Variants in HFM1 observed in about 807,000 individuals in gnomAD.
HFM1 encodes the protein probable ATP-dependent DNA helicase HFM1.
A neutral mutation model predicts 192.1 loss-of-function variants in HFM1; 169 were observed. That is an observed-to-expected ratio of 0.88 (90% CI 0.78 to 1.00). HFM1 has a LOEUF of 1.00. Ranked by LOEUF, HFM1 falls within the 50% of genes least tolerant of loss-of-function variation. HFM1 has a pLI of 0.00. For missense variants in HFM1, 1,661 were observed against 1,668.0 expected, an observed-to-expected ratio of 1.00 and a Z score of 0.07; for synonymous variants, 525 against 537.8, an observed-to-expected ratio of 0.98 and a Z score of 0.33.
chr1:91,308,851 T>C (rs1034362691), intron 30 of HFM1, among the ~76,000 whole-genome samples: 23 of 152,334 alleles, frequency 1.5e-4, no homozygotes, highest in African/African-American at 5.3e-4. Flanking sequence ...CAGGCAAACA[T>C]GGTGAGTGGC....
intron 30 of HFM1, among the ~76,000 whole-genome samples, chr1:91,284,132 A>C (rs1667713366): frequency 6.6e-6 from 1 of 152,140 alleles, no homozygotes; most frequent in Non-Finnish European, 1.5e-5. Context: ...AAAGAATATA[A>C]AGAAAAGTAG....
At chr1:91,273,556 C>G (rs950280082) in intron 34 of HFM1, among the ~76,000 whole-genome samples, 156 bp downstream of exon 34, 3 of 151,730 alleles carry the variant, frequency 2.0e-5, no homozygotes, top group Non-Finnish European at 2.9e-5. Context: ...ATAACAGACC[C>G]AAGAATTTGA....
intron 30 of HFM1, among the ~76,000 whole-genome samples, chr1:91,312,478 G>A (rs1330890154): frequency 2.0e-5 from 3 of 152,194 alleles, no homozygotes; most frequent in Admixed American, 2.0e-4. Context: ...TGCTCCACTG[G>A]ATTTCAGACA....
At chr1:91,390,391 A>C (rs1662799192) in intron 4 of HFM1, among the ~76,000 whole-genome samples, 1 of 150,426 alleles carries the variant, frequency 6.6e-6, no homozygotes, top group South Asian at 2.1e-4. Flanking sequence ...AACCAAGATC[A>C]CACCACTGCA....
intron 13 of HFM1, among the ~76,000 whole-genome samples, chr1:91,371,569 T>C (rs1571149723): frequency 8.2e-6 from 1 of 121,414 alleles, no homozygotes; most frequent in African/African-American, 3.2e-5. Context: ...ATCCCTTCCT[T>C]ACACCTTATA....
At chr1:91,292,160 C>T (rs1247078286) in intron 30 of HFM1, among the ~76,000 whole-genome samples, 1 of 151,276 alleles carries the variant, frequency 6.6e-6, no homozygotes, top group East Asian at 1.9e-4. Context: ...GATGCCCTCT[C>T]TCACCACTCC....
chr1:91,357,625 A>G (rs1414453967), intron 13 of HFM1, among the ~76,000 whole-genome samples: 1 of 152,180 alleles, frequency 6.6e-6, no homozygotes, highest in African/African-American at 2.4e-5. Flanking sequence ...ATAAGAAAAA[A>G]ATAAAAGGAA....
intron 30 of HFM1, among the ~76,000 whole-genome samples, chr1:91,278,998 T>G (rs912277854): frequency 2.0e-5 from 3 of 152,076 alleles, no homozygotes; most frequent in Non-Finnish European, 4.4e-5. Context: ...CTACTATTTT[T>G]TAAATCCTCT....
intron 36 of HFM1, among the ~76,000 whole-genome samples, chr1:91,263,263 A>T (rs1234704564): frequency 6.6e-6 from 1 of 152,228 alleles, no homozygotes; most frequent in Non-Finnish European, 1.5e-5. Context: ...TCATCAATGC[A>T]TCTCTGATGA....
rs538106764 is a variant in HFM1, at chr1:91,293,396, A to G, written c.3392-16334T>C. On this transcript the variant is annotated intron_variant, in intron 30 of 38. Coordinates refer to ENST00000370425, the MANE Select transcript of HFM1 (RefSeq NM_001017975.6). ...ATCAAAAAGTGGGCAAAGGACATGA[A>G]CAGACACTTCTCAAAAGAAGACATT... Among the ~76,000 whole-genome samples the G allele has an allele frequency of 6.3e-3, 964 of 152,302 alleles. 13 individuals are homozygous for G. The highest frequency in any genetic ancestry group is 0.022 in the African/African-American group (924 of 41,560).
intron 33 of HFM1, among the ~76,000 whole-genome samples, 174 bp from the exon 34 acceptor site, chr1:91,273,989 C>G (rs2100755288): frequency 6.6e-6 from 1 of 152,248 alleles, no homozygotes; most frequent in Admixed American, 6.5e-5. Flanking sequence ...GTGACCAATA[C>G]TTTCCTTTAC....
At chr1:91,288,866 G>C (rs1668341390) in intron 30 of HFM1, among the ~76,000 whole-genome samples, 1 of 152,174 alleles carries the variant, frequency 6.6e-6, no homozygotes, top group Non-Finnish European at 1.5e-5. Flanking sequence ...TCGTCATCAT[G>C]GCCCTTTCTC....
Position 91,385,726 on chromosome 1 carries a change from C to G in HFM1, c.603G>C (p.Gly201=). 6.2e-7 allele frequency: 1 copy of G among 1,612,830 alleles called. No individual in the cohort carries two copies. The highest frequency in any genetic ancestry group is 1.7e-5 in the Admixed American group (1 of 60,006). Reference sequence around the variant, plus strand: ...TACTATTGCTATAGTTCCTTGATTTCCCTTTGTTCATTTCTGTTTGTACAA... The same window carrying G: ...TACTATTGCTATAGTTCCTTGATTTGCCTTTGTTCATTTCTGTTTGTACAA... ...VKIVQTEMNK[G]KSRNYSNSKQ... Residue 201 remains glycine, a synonymous_variant, in exon 5 of 39, where the codon GGG becomes GGC. Coordinates refer to ENST00000370425, the MANE Select transcript of HFM1 (RefSeq NM_001017975.6).
intron 30 of HFM1, among the ~76,000 whole-genome samples, chr1:91,309,232 T>C (rs1279528613): frequency 6.6e-6 from 1 of 152,212 alleles, no homozygotes; most frequent in Non-Finnish European, 1.5e-5. Context: ...GTCTGTTAAC[T>C]GCTCCCCTTA....
At position 91,316,163 on chromosome 1, in the gene HFM1, AG is replaced by A; in HGVS notation, c.2919del (p.Phe974LeufsTer5). Reference protein sequence around the residue: ...ELELILNRHPPFGTQIKETVM... With the variant: ...ELELILNRHPXFGTQIKETVM... The stretch of plus-strand genomic sequence containing the variant: ...ACAGTTTCTTTTATCTGGGTTCCAA[AG>A]GGGGGATGTCTGTTTAAAATCTAAA... On this transcript the variant is annotated frameshift_variant, in exon 27 of 39. Coordinates refer to ENST00000370425, the MANE Select transcript of HFM1 (RefSeq NM_001017975.6). LOFTEE classifies it high-confidence loss of function. 1.3e-6 allele frequency: 2 copies of A among 1,586,782 alleles called. No homozygotes were observed. Among genetic ancestry groups the A allele is most frequent in the Non-Finnish European group, 1.7e-6 (2 of 1,161,062 alleles).
At chr1:91,389,463 G>A (rs1489052047) in intron 4 of HFM1, among the ~76,000 whole-genome samples, 1 of 152,050 alleles carries the variant, frequency 6.6e-6, no homozygotes, top group Non-Finnish European at 1.5e-5. Context: ...AGGTAATTGG[G>A]TTTAGATGAG....
chr1:91,277,192 G>T, intron 30 of HFM1, 130 bp from the exon 31 acceptor site: 1 of 494,940 alleles, frequency 2.0e-6, no homozygotes, highest in Non-Finnish European at 3.4e-6. Flanking sequence ...ACTTTCTCAA[G>T]TGTTTTGTAA....
At chr1:91,319,047 G>A in intron 25 of HFM1, 31 bp downstream of exon 25, 1 of 1,554,806 alleles carries the variant, frequency 6.4e-7, no homozygotes, top group Admixed American at 2.2e-5. Context: ...TGCAGACATG[G>A]CCAAACTGCC....
rs112786397 is a variant in HFM1, at chr1:91,400,188, C to T, written c.71+824G>A. 5.4e-3 allele frequency among the ~76,000 whole-genome samples: 827 copies of T among 152,226 alleles called. 4 individuals are homozygous for T. Among genetic ancestry groups the T allele is most frequent in the Non-Finnish European group, 7.4e-3 (502 of 68,008 alleles). On this transcript the variant is annotated intron_variant, in intron 2 of 38. Coordinates refer to ENST00000370425, the MANE Select transcript of HFM1 (RefSeq NM_001017975.6). ...ATACACTAAAAATACACAGAAAATT[C>T]AAAATTGAACAATGCACATGAAAAT... is the stretch of plus-strand genomic sequence containing the variant.
Sources: allele counts gnomAD v4.1 joint callset (sites outside exome capture counted in the v4.1 genomes callset), GRCh38; gene constraint gnomAD v4.1.1; transcripts MANE v1.5; gene names NCBI Gene and HGNC (gene_info 2026-07-23, HGNC 2026-07-21).